GLOD4: variants seen among roughly 807,000 people sequenced by gnomAD.
The protein encoded by GLOD4 is glyoxalase domain containing 4.
In GLOD4, 44 loss-of-function variants were observed where a neutral mutation model predicts 39.1. The ratio of observed to expected loss-of-function variants is 1.13; its 90% CI spans 0.88 to 1.45. GLOD4 has a LOEUF of 1.45. Ranked by LOEUF, GLOD4 falls within the 40% of genes most tolerant of loss-of-function variation. The pLI, the probability that GLOD4 is intolerant of heterozygous loss-of-function variation, is 0.00. For missense variants in GLOD4, 405 were observed against 366.4 expected, an observed-to-expected ratio of 1.11 and a Z score of -0.86; for synonymous variants, 145 against 135.0, an observed-to-expected ratio of 1.07 and a Z score of -0.52.
At chr17:785,313 T>G (rs1910482961), upstream of GLOD4, among the ~76,000 whole-genome samples, 1 of 152,198 alleles carries the variant, frequency 6.6e-6, no homozygotes, top group African/African-American at 2.4e-5. Context: ...ATTTTTAATA[T>G]TGTTATTAGC....
Position 775,811 on chromosome 17 carries a change from T to G in GLOD4, c.370A>C (p.Lys124Gln). 1 of 1,614,052 alleles carries G rather than the reference T, an allele frequency of 6.2e-7. No individual in the cohort carries two copies. The highest frequency in any genetic ancestry group is 8.5e-7 in the Non-Finnish European group (1 of 1,179,912). ...AGACTGCGATTCTGCAAATAGAACT[T>G]ATATCCTCCCGGGGCCTCGGTTTCA... ...VFETEAPGGY[K>Q]FYLQNRSLPQ... Residue 124 changes from lysine (K) to glutamine (Q), a missense_variant, in exon 4 of 9, where the codon AAG (lysine) becomes CAG (glutamine). Physicochemically the swap from Lys to Gln is moderately conservative, Grantham distance 53. Transcript: ENST00000301329.
chr17:777,925 T>C (rs1248423652), intron 2 of GLOD4, among the ~76,000 whole-genome samples: 1 of 152,188 alleles, frequency 6.6e-6, no homozygotes, highest in East Asian at 1.9e-4. Context: ...GACTGAACTT[T>C]CAGTCCCATC....
chr17:775,806 G>C lies in GLOD4; in HGVS notation c.375C>G (p.Phe125Leu), dbSNP rs753144521. 6.2e-7 allele frequency: 1 copy of C among 1,614,026 alleles called. No individual in the cohort carries two copies. The highest frequency in any genetic ancestry group is 1.7e-5 in the Admixed American group (1 of 60,014). The part of the protein sequence containing the change: ...FETEAPGGYK[F>L]YLQNRSLPQS... ...GAGGCAGACTGCGATTCTGCAAATAGAACTTATATCCTCCCGGGGCCTCGG... is the reference window on the plus strand; with the variant it reads ...GAGGCAGACTGCGATTCTGCAAATACAACTTATATCCTCCCGGGGCCTCGG... Residue 125 changes from phenylalanine (F) to leucine (L), a missense_variant, in exon 4 of 9, where the codon TTC (phenylalanine) becomes TTG (leucine). Coordinates refer to ENST00000301329, the MANE Select transcript of GLOD4 (RefSeq NM_016080.4).
chr17:779,098 T>C (rs1261526656), intron 1 of GLOD4, among the ~76,000 whole-genome samples: 1 of 152,000 alleles, frequency 6.6e-6, no homozygotes, highest in Non-Finnish European at 1.5e-5. Context: ...GTGGACTGCC[T>C]GAGGTCAGGA....
chr17:767,198 G>A (rs1906731886), intron 8 of GLOD4, among the ~76,000 whole-genome samples: 1 of 152,196 alleles, frequency 6.6e-6, no homozygotes, highest in Non-Finnish European at 1.5e-5. Flanking sequence ...GTCAGTCACA[G>A]AGTTACGTGA....
intron 8 of GLOD4, among the ~76,000 whole-genome samples, chr17:767,661 G>C (rs1408002594): frequency 2.0e-5 from 3 of 151,642 alleles, no homozygotes; most frequent in Admixed American, 1.3e-4. Flanking sequence ...GAAATCTGGA[G>C]AGGACGTGAG....
At chr17:781,404 G>A (rs972204899) in intron 1 of GLOD4, among the ~76,000 whole-genome samples, 4 of 152,154 alleles carry the variant, frequency 2.6e-5, no homozygotes, top group African/African-American at 4.8e-5. Context: ...TCTAATGGAG[G>A]ATATATATCA....
At chr17:783,724 G>C (rs577263496), upstream of GLOD4, among the ~76,000 whole-genome samples, 2 of 152,288 alleles carry the variant, frequency 1.3e-5, no homozygotes, top group East Asian at 3.9e-4. Context: ...AATTCAAAAT[G>C]TTACAATTAG....
At chr17:783,343 G>C, upstream of GLOD4, 1 of 1,499,798 alleles carries the variant, frequency 6.7e-7, no homozygotes, top group Non-Finnish European at 8.9e-7. Flanking sequence ...TGATTACCCA[G>C]TGTATCTTTT....
upstream of GLOD4, among the ~76,000 whole-genome samples, chr17:785,739 T>G (rs1245284199): frequency 6.6e-6 from 1 of 152,228 alleles, no homozygotes; most frequent in African/African-American, 2.4e-5. Context: ...TGCATTCAAG[T>G]TTTGAAATTC....
chr17:780,025 G>A (rs1374103052), intron 1 of GLOD4, among the ~76,000 whole-genome samples: 3 of 152,050 alleles, frequency 2.0e-5, no homozygotes, highest in East Asian at 1.9e-4. Flanking sequence ...TAAGCAGGGC[G>A]TGGTGGCGGG....
At chr17:782,614 C>G (rs766298501), upstream of GLOD4, 2 of 1,613,964 alleles carry the variant, frequency 1.2e-6, no homozygotes, top group South Asian at 2.2e-5. Context: ...CTCGAGGAGT[C>G]CGCATCCCGC....
upstream of GLOD4, among the ~76,000 whole-genome samples, chr17:785,186 G>A (rs1384747520): frequency 6.6e-6 from 1 of 151,934 alleles, no homozygotes; most frequent in Admixed American, 6.6e-5. Flanking sequence ...TTACTAAAAG[G>A]TTATCATTAT....
chr17:765,708 G>T (rs1332645289), intron 8 of GLOD4, among the ~76,000 whole-genome samples: 1 of 151,480 alleles, frequency 6.6e-6, no homozygotes, highest in Admixed American at 6.6e-5. Flanking sequence ...CCTCCCAAAG[G>T]GCTGGGGTTA....
intron 8 of GLOD4, chr17:764,782 G>A (rs1906161774): frequency 1.3e-5 from 2 of 151,220 alleles, no homozygotes; most frequent in African/African-American, 2.4e-5. Flanking sequence ...GCCAAGGTGG[G>A]TGGATCACAA....
At position 771,329 on chromosome 17, in the gene GLOD4, T is replaced by G. The variant is rs776996352; in HGVS notation, c.539A>C (p.Asn180Thr). The change falls in exon 5 of 9, where the codon AAC (asparagine) becomes ACC (threonine). Residue 180 changes from asparagine to threonine, a missense_variant. Coordinates refer to ENST00000301329, the MANE Select transcript of GLOD4 (RefSeq NM_016080.4). ...TTCTTCTCCAAGATTGCTCACCTGG[T>G]TATCAGCATAGCCCAGCAAAGCCCT... ...KQRALLGYAD[N>T]QCKLELQGVK... The G allele has an allele frequency of 6.3e-6, 10 of 1,583,262 alleles. No homozygotes were observed. The Admixed American group carries it at 1.3e-4, about 21-fold the overall frequency.
intron 4 of GLOD4, among the ~76,000 whole-genome samples, chr17:772,198 A>C (rs1038368921): frequency 6.6e-6 from 1 of 150,968 alleles, no homozygotes; most frequent in African/African-American, 2.4e-5. Context: ...AAAAAAAAAA[A>C]AAAAAAAAAA....
chr17:782,036 C>G, intron 1 of GLOD4, 130 bp downstream of exon 1: 1 of 644,530 alleles, frequency 1.6e-6, no homozygotes, highest in South Asian at 1.9e-5. Context: ...CTGAACACCG[C>G]GCAGGGCCTA....
chr17:782,747 C>G, upstream of GLOD4: 4 of 1,531,192 alleles, frequency 2.6e-6, no homozygotes, highest in Non-Finnish European at 3.5e-6. Context: ...CGTCGCACAG[C>G]GGAACCTTAA....
Sources: gnomAD v4.1 joint callset for allele counts (sites outside exome capture counted in the v4.1 genomes callset) on GRCh38, gnomAD v4.1.1 for gene constraint, MANE v1.5 for transcripts, NCBI Gene and HGNC (gene_info 2026-07-23, HGNC 2026-07-21) for gene names.